Variants in SBF2 observed in about 807,000 individuals in gnomAD.
SBF2 encodes the protein SET binding factor 2, also known as myotubularin-related protein 13.
In SBF2, 112 loss-of-function variants were observed where a neutral mutation model predicts 225.2. That is an observed-to-expected ratio of 0.50 (90% CI 0.43 to 0.58). The LOEUF is 0.58. Among genes scored for constraint, SBF2 ranks in the 20% least tolerant of loss-of-function variants. The probability of loss-of-function intolerance (pLI) is 0.00; values close to 1 mark genes in which losing one functional copy is unlikely to be tolerated. For synonymous variants in SBF2, 763 were observed against 773.3 expected (o/e 0.99, Z 0.22); for missense variants, 1,996 against 2,206.2 (o/e 0.90, Z 1.91).
chr11:9,850,666 C>T (rs1856859387), intron 21 of SBF2, among the ~76,000 whole-genome samples: 1 of 152,148 alleles, frequency 6.6e-6, no homozygotes, highest in African/African-American at 2.4e-5. Flanking sequence ...ACATGAGAAA[C>T]CTGATTTGGT....
At chr11:9,816,387 T>A (rs1170040114) in intron 29 of SBF2, among the ~76,000 whole-genome samples, 1 of 152,200 alleles carries the variant, frequency 6.6e-6, no homozygotes, top group Non-Finnish European at 1.5e-5. Flanking sequence ...TGGCCTTGCC[T>A]TGCCTCCATA....
chr11:10,056,278 A>T (rs890283317), intron 2 of SBF2, among the ~76,000 whole-genome samples: 11 of 152,136 alleles, frequency 7.2e-5, no homozygotes, highest in Non-Finnish European at 1.5e-4. Context: ...TCCTGTGAAG[A>T]ATGTCGTTGG....
chr11:9,825,188 G>A (rs538094098), intron 28 of SBF2, among the ~76,000 whole-genome samples: 1 of 152,206 alleles, frequency 6.6e-6, no homozygotes, highest in East Asian at 1.9e-4. Flanking sequence ...AATATGACTG[G>A]TGTACTTATA....
chr11:9,939,878 A>G (rs1454779786), intron 16 of SBF2, among the ~76,000 whole-genome samples: 1 of 152,206 alleles, frequency 6.6e-6, no homozygotes, highest in Non-Finnish European at 1.5e-5. Flanking sequence ...CCTCGCTCCT[A>G]AACTGTGGAG....
chr11:10,282,892 T>C (rs1428715661), intron 1 of SBF2, among the ~76,000 whole-genome samples: 1 of 152,134 alleles, frequency 6.6e-6, no homozygotes, highest in Non-Finnish European at 1.5e-5. Context: ...CTTTTCACAA[T>C]TGTCAACCCA....
At chr11:10,160,665 A>G (rs1477211260) in intron 2 of SBF2, among the ~76,000 whole-genome samples, 1 of 152,148 alleles carries the variant, frequency 6.6e-6, no homozygotes, top group Non-Finnish European at 1.5e-5. Context: ...GAGAGAGAGA[A>G]AAAAAGTTGT....
At chr11:10,286,366 A>G (rs1246101763) in intron 1 of SBF2, among the ~76,000 whole-genome samples, 2 of 83,152 alleles carry the variant, frequency 2.4e-5, no homozygotes, top group African/African-American at 8.1e-5. Context: ...TTTTTTTTTG[A>G]GACAGTCTTG....
chr11:10,134,727 G>C (rs1241891966), intron 2 of SBF2, among the ~76,000 whole-genome samples: 1 of 152,202 alleles, frequency 6.6e-6, no homozygotes. Flanking sequence ...ACGGATGCAA[G>C]AGGTAAGCTG....
intron 16 of SBF2, among the ~76,000 whole-genome samples, chr11:9,945,396 G>A (rs540879713): frequency 6.6e-6 from 1 of 152,130 alleles, no homozygotes; most frequent in Non-Finnish European, 1.5e-5. Context: ...CTAGCCATTT[G>A]CAGAATATTG....
intron 2 of SBF2, among the ~76,000 whole-genome samples, chr11:10,154,641 C>G (rs761009740): frequency 6.6e-6 from 1 of 152,144 alleles, no homozygotes; most frequent in Non-Finnish European, 1.5e-5. Context: ...GTTTCTTAAT[C>G]ACATTGTCTT....
chr11:10,067,645 A>G (rs2134787410), intron 2 of SBF2, among the ~76,000 whole-genome samples: 1 of 152,318 alleles, frequency 6.6e-6, no homozygotes, highest in East Asian at 1.9e-4. Flanking sequence ...CTATAATCTC[A>G]GCACCATGGG....
At chr11:10,193,428 C>T (rs1047221118) in intron 2 of SBF2, among the ~76,000 whole-genome samples, 1 of 145,540 alleles carries the variant, frequency 6.9e-6, no homozygotes, top group Non-Finnish European at 1.5e-5. Flanking sequence ...GATCTTGGCT[C>T]ACTGCAAGCT....
chr11:10,161,192 A>T (rs1955717563), intron 2 of SBF2, among the ~76,000 whole-genome samples: 1 of 151,304 alleles, frequency 6.6e-6, no homozygotes, highest in South Asian at 2.1e-4. Flanking sequence ...CTCAAAAAAA[A>T]AAAAAAAAAA....
At chr11:9,834,126 C>T (rs567838790) in intron 26 of SBF2, among the ~76,000 whole-genome samples, 18 of 149,410 alleles carry the variant, frequency 1.2e-4, no homozygotes, top group African/African-American at 3.9e-4. Flanking sequence ...CAGTTTCGCT[C>T]TTGTTGCCTA....
At chr11:9,813,917 G>C (rs1854326939) in intron 29 of SBF2, among the ~76,000 whole-genome samples, 1 of 151,928 alleles carries the variant, frequency 6.6e-6, no homozygotes, top group Non-Finnish European at 1.5e-5. Context: ...ACTCCAGCGT[G>C]GGCAGCAGAG....
At chr11:9,790,862 G>A (rs539995838) in intron 33 of SBF2, 179 bp from the exon 34 acceptor site, 3 of 525,292 alleles carry the variant, frequency 5.7e-6, no homozygotes, top group Non-Finnish European at 1.0e-5. Context: ...GAATTTCATC[G>A]CTACAGGGAA....
At chr11:9,890,284 C>T (rs1590344710) in intron 17 of SBF2, among the ~76,000 whole-genome samples, 2 of 151,992 alleles carry the variant, frequency 1.3e-5, no homozygotes, top group Non-Finnish European at 2.9e-5. Context: ...GATGGTTTTA[C>T]CACTCTGTAA....
chr11:9,979,086 A>C (rs1405090935), intron 13 of SBF2, among the ~76,000 whole-genome samples: 3 of 152,248 alleles, frequency 2.0e-5, no homozygotes, highest in Non-Finnish European at 4.4e-5. Context: ...TAGTGAAAGA[A>C]CATAGGCTTA....
chr11:9,857,085 C>A (rs192576749), intron 18 of SBF2, among the ~76,000 whole-genome samples: 1 of 152,288 alleles, frequency 6.6e-6, no homozygotes, highest in Non-Finnish European at 1.5e-5. Flanking sequence ...CCGCGCCCGG[C>A]CTAACATAGA....
Sources: allele counts gnomAD v4.1 joint callset (sites outside exome capture counted in the v4.1 genomes callset), GRCh38; gene constraint gnomAD v4.1.1; transcripts MANE v1.5; gene names NCBI Gene and HGNC (gene_info 2026-07-23, HGNC 2026-07-21).